The following TYW1B variants were observed in gnomAD, a reference collection of about 807,000 sequenced individuals.
The protein encoded by TYW1B is tRNA-yW synthesizing protein 1 homolog B.
Under a neutral mutation model 86.9 loss-of-function variants are expected in TYW1B, and 73 were observed. The observed-to-expected ratio is 0.84, with a 90% CI of 0.70 to 1.02. The LOEUF (loss-of-function observed/expected upper bound fraction) is 1.02. Among genes scored for constraint, TYW1B ranks in the 50% least tolerant of loss-of-function variants. The pLI, the probability that TYW1B is intolerant of heterozygous loss-of-function variation, is 0.00. For missense variants in TYW1B, 637 were observed against 827.4 expected (o/e 0.77, Z 2.82); for synonymous variants, 248 against 292.8 (o/e 0.85, Z 1.56).
chr7:72,696,296 C>G (rs533570990), intron 10 of TYW1B, among the ~76,000 whole-genome samples: 1 of 152,104 alleles, frequency 6.6e-6, no homozygotes, highest in Non-Finnish European at 1.5e-5. Context: ...TCAAATAGGT[C>G]TCATAATTCA....
At chr7:72,626,588 A>G (rs1199000329) in intron 12 of TYW1B, among the ~76,000 whole-genome samples, 1 of 152,114 alleles carries the variant, frequency 6.6e-6, no homozygotes, top group Non-Finnish European at 1.5e-5. Flanking sequence ...GGTTTCCTGT[A>G]TCTCAGCAAA....
intron 7 of TYW1B, among the ~76,000 whole-genome samples, chr7:72,747,479 A>C (rs1406192670): frequency 6.6e-6 from 1 of 152,322 alleles, no homozygotes; most frequent in South Asian, 2.1e-4. Flanking sequence ...TGTAAAAAAA[A>C]CAGTTAAACA....
intron 11 of TYW1B, among the ~76,000 whole-genome samples, chr7:72,692,511 C>T (rs150918836): frequency 5.9e-5 from 9 of 151,868 alleles, no homozygotes; most frequent in African/African-American, 2.2e-4. Flanking sequence ...AAGACCCAGT[C>T]TCCAAGAAAA....
At chr7:72,809,143 C>T (rs529520658) in intron 4 of TYW1B, among the ~76,000 whole-genome samples, 2 of 150,762 alleles carry the variant, frequency 1.3e-5, no homozygotes, top group East Asian at 2.0e-4. Flanking sequence ...CCCAAGTTCA[C>T]GCCATTCTCC....
intron 12 of TYW1B, among the ~76,000 whole-genome samples, chr7:72,626,336 T>C (rs1183916925): frequency 1.0e-4 from 15 of 150,168 alleles, no homozygotes; most frequent in Non-Finnish European, 1.9e-4. Flanking sequence ...ATGAGCAGAG[T>C]TGGCTTTCCC....
At chr7:72,686,328 T>C (rs112844053) in intron 11 of TYW1B, among the ~76,000 whole-genome samples, 7,227 of 152,168 alleles carry the variant, frequency 0.047, 258 homozygotes, top group Non-Finnish European at 0.071. Flanking sequence ...CTTCAGTAGG[T>C]GAATAAACTG....
chr7:72,757,330 T>C (rs1787609211), intron 7 of TYW1B, among the ~76,000 whole-genome samples: 2 of 144,438 alleles, frequency 1.4e-5, no homozygotes, highest in Admixed American at 1.4e-4. Flanking sequence ...ATCGCACCAC[T>C]GCACTACAGC....
intron 6 of TYW1B, among the ~76,000 whole-genome samples, chr7:72,792,500 G>A (rs1191293180): frequency 6.6e-6 from 1 of 152,192 alleles, no homozygotes; most frequent in African/African-American, 2.4e-5. Flanking sequence ...CATCTCAGAT[G>A]TAGAGAACAA....
chr7:72,723,357 G>C (rs540566158), intron 9 of TYW1B, among the ~76,000 whole-genome samples: 1 of 152,062 alleles, frequency 6.6e-6, no homozygotes, highest in African/African-American at 2.4e-5. Flanking sequence ...AAACTACGAA[G>C]GAAATGCCTT....
chr7:72,716,708 A>T, intron 9 of TYW1B, among the ~76,000 whole-genome samples: 1 of 151,850 alleles, frequency 6.6e-6, no homozygotes, highest in Admixed American at 6.6e-5. Context: ...GCATGATCTC[A>T]GCTCACTGCA....
intron 7 of TYW1B, among the ~76,000 whole-genome samples, chr7:72,757,206 A>G (rs1787606104): frequency 6.6e-6 from 1 of 151,992 alleles, no homozygotes; most frequent in South Asian, 2.1e-4. Context: ...TGTCTCTACT[A>G]AAAATACAAA....
rs782038357 is a variant in TYW1B at position 72,616,716 on chromosome 7, A to G, written c.1741T>C (p.Cys581Arg). Residue 581 changes from cysteine (C) to arginine (R), a missense_variant, in exon 13 of 14, where the codon TGT (cysteine) becomes CGT (arginine). Physicochemically the swap from Cys to Arg is radical, Grantham distance 180. Coordinates refer to ENST00000620995, the MANE Select transcript of TYW1B (RefSeq NM_001145440.3). ...AGGCAATTAGAGTGTTCGTGTTCAC[A>G]TGCAATTTCATATTCGGGGATCAGA... ...VDLIPEYEIA[C>R]EHEHSNCLLI... 18 of 1,614,214 alleles carry G rather than the reference A, an allele frequency of 1.1e-5. No homozygotes were observed. In the East Asian group the frequency reaches 3.6e-4, roughly 32 times the overall value.
At chr7:72,740,918 G>A (rs1345464732) in intron 8 of TYW1B, among the ~76,000 whole-genome samples, 1 of 151,824 alleles carries the variant, frequency 6.6e-6, no homozygotes, top group African/African-American at 2.4e-5. Flanking sequence ...TTTTAGTAGA[G>A]ACAGGGTTTC....
chr7:72,711,473 C>CTATTTTTTT (rs1786662024), intron 10 of TYW1B, among the ~76,000 whole-genome samples: 1 of 56,948 alleles, frequency 1.8e-5, no homozygotes, highest in Non-Finnish European at 3.0e-5. Flanking sequence ...CTCTTTAATT[C>CTATTTTTTT]TTTTTTTTTT....
At chr7:72,605,497 G>A (rs1363328286) in intron 13 of TYW1B, among the ~76,000 whole-genome samples, 1 of 152,046 alleles carries the variant, frequency 6.6e-6, no homozygotes, top group African/African-American at 2.4e-5. Flanking sequence ...GGGACTACAG[G>A]CACGTGCCAC....
chr7:72,826,216 T>A (rs1788926443), intron 2 of TYW1B, among the ~76,000 whole-genome samples: 1 of 152,236 alleles, frequency 6.6e-6, no homozygotes, highest in African/African-American at 2.4e-5. Flanking sequence ...GAACAGATTT[T>A]TCCTGTAAGT....
chr7:72,820,798 T>C (rs1300115775), intron 2 of TYW1B, among the ~76,000 whole-genome samples: 1 of 152,184 alleles, frequency 6.6e-6, no homozygotes, highest in African/African-American at 2.4e-5. Flanking sequence ...AACATCAGTT[T>C]TGGGGGAACA....
intron 13 of TYW1B, among the ~76,000 whole-genome samples, chr7:72,610,441 C>T (rs1389598385): frequency 7.2e-5 from 11 of 151,838 alleles, no homozygotes; most frequent in Non-Finnish European, 1.3e-4. Flanking sequence ...CACTCATTTC[C>T]CAGGTTAGAG....
intron 13 of TYW1B, among the ~76,000 whole-genome samples, chr7:72,600,227 TCAA>T (rs1554433453): frequency 1.3e-5 from 2 of 152,144 alleles, no homozygotes; most frequent in East Asian, 3.8e-4. Flanking sequence ...ACAAATACAG[TCAA>T]CTCATCTTTG....
Sources: gnomAD v4.1 joint callset for allele counts (sites outside exome capture counted in the v4.1 genomes callset) on GRCh38, gnomAD v4.1.1 for gene constraint, MANE v1.5 for transcripts, NCBI Gene and HGNC (gene_info 2026-07-23, HGNC 2026-07-21) for gene names.